NTM: variants seen among roughly 807,000 people sequenced by gnomAD.
NTM encodes the protein IgLON family member 2.
In NTM, 13 loss-of-function variants were observed where a neutral mutation model predicts 42.1. The observed-to-expected ratio is 0.31, with a 90% CI of 0.20 to 0.49. NTM has a LOEUF of 0.49. Ranked by LOEUF, NTM falls within the 20% of genes least tolerant of loss-of-function variation. The pLI, the probability that NTM is intolerant of heterozygous loss-of-function variation, is 0.99. For synonymous variants in NTM, 187 were observed against 179.2 expected (o/e 1.04, Z -0.35); for missense variants, 373 against 452.8 (o/e 0.82, Z 1.60).
chr11:131,983,523 C>G (rs965356104), intron 2 of NTM, among the ~76,000 whole-genome samples: 1 of 151,852 alleles, frequency 6.6e-6, no homozygotes, highest in African/African-American at 2.4e-5. Flanking sequence ...TTCCAGGCAT[C>G]TGCTACCACA....
chr11:131,981,128 C>G (rs1280717789), intron 2 of NTM: 1 of 152,182 alleles, frequency 6.6e-6, no homozygotes, highest in Non-Finnish European at 1.5e-5. Flanking sequence ...AGCAGGTATC[C>G]AGCAAATGCA....
chr11:132,184,830 A>G (rs890611874), intron 3 of NTM, among the ~76,000 whole-genome samples: 1 of 152,232 alleles, frequency 6.6e-6, no homozygotes, highest in African/African-American at 2.4e-5. Context: ...ACACAGCGTC[A>G]TGAACGTACC....
Position 131,780,937 on chromosome 11 carries a change from G to A in NTM, c.83-130627G>A, listed in dbSNP as rs113558970. On this transcript the variant is annotated intron_variant, in intron 1 of 8. Coordinates refer to ENST00000683400, the MANE Select transcript of NTM (RefSeq NM_001352005.2). Reference sequence around the variant, plus strand: ...GAAAAGATTTGCTGGAATCTGTGTCGTACTTACAAGATGAATACCATTACA... The same window carrying A: ...GAAAAGATTTGCTGGAATCTGTGTCATACTTACAAGATGAATACCATTACA... Among the ~76,000 whole-genome samples the A allele has an allele frequency of 1.3e-4, 20 of 152,206 alleles. 1 individual carries two copies. In the East Asian group the frequency reaches 1.4e-3, roughly 10 times the overall value.
chr11:131,778,277 G>C (rs191483576), intron 1 of NTM, among the ~76,000 whole-genome samples: 1 of 152,174 alleles, frequency 6.6e-6, no homozygotes, highest in Non-Finnish European at 1.5e-5. Flanking sequence ...AGTGCCACAG[G>C]CTTCCACATT....
In NTM at chr11:132,292,787, T is replaced by TAAAAAAAAAA. The variant is rs61603794; in HGVS notation, c.527-14885_527-14876dup. 2.4e-3 allele frequency among the ~76,000 whole-genome samples: 136 copies of TAAAAAAAAAA among 56,548 alleles called. 2 individuals carry two copies. The highest frequency in any genetic ancestry group is 2.6e-3 in the African/African-American group (31 of 12,084). 37.1% of individuals were successfully genotyped at this position (56,548 alleles called of 152,430 possible). On this transcript the variant is annotated intron_variant, in intron 4 of 8. Transcript: ENST00000683400. ...AATTTTATCAAAAGGGATGTAAAAG[T>TAAAAAAAAAA]AAAAAAAAAAAAAAAAAAAAAAAAA...
chr11:131,716,786 G>A (rs1086220), intron 1 of NTM, among the ~76,000 whole-genome samples: 24,904 of 151,938 alleles, frequency 0.16, 2,139 homozygotes, highest in Middle Eastern at 0.22. Context: ...TATTTCACTG[G>A]CCTATTTTTC....
At chr11:132,224,889 C>T (rs551255646) in intron 4 of NTM, among the ~76,000 whole-genome samples, 2 of 152,266 alleles carry the variant, frequency 1.3e-5, no homozygotes, top group African/African-American at 4.8e-5. Flanking sequence ...TCCCTTATTG[C>T]CTATTCGGGA....
At chr11:131,756,692 A>T (rs561270727) in intron 1 of NTM, among the ~76,000 whole-genome samples, 2 of 150,218 alleles carry the variant, frequency 1.3e-5, no homozygotes, top group Non-Finnish European at 3.0e-5. Context: ...CCTCTGTCTC[A>T]CACACAAAAA....
At chr11:131,848,358 G>A (rs1002002810) in intron 1 of NTM, among the ~76,000 whole-genome samples, 1 of 152,132 alleles carries the variant, frequency 6.6e-6, no homozygotes, top group Non-Finnish European at 1.5e-5. Context: ...AGTTGATCCC[G>A]TTTTCTTCTC....
At chr11:131,674,085 A>G (rs544230484) in intron 1 of NTM, among the ~76,000 whole-genome samples, 6 of 152,244 alleles carry the variant, frequency 3.9e-5, no homozygotes, top group Non-Finnish European at 8.8e-5. Flanking sequence ...ACATACACAC[A>G]CAGCGTAGGG....
chr11:131,667,184 G>A (rs2134571280), intron 1 of NTM, among the ~76,000 whole-genome samples: 1 of 152,252 alleles, frequency 6.6e-6, no homozygotes, highest in South Asian at 2.1e-4. Flanking sequence ...TTAAAGAGGA[G>A]GACCCCAATT....
chr11:132,257,150 A>T (rs553941383), intron 4 of NTM, among the ~76,000 whole-genome samples: 3 of 152,246 alleles, frequency 2.0e-5, no homozygotes, highest in Non-Finnish European at 4.4e-5. Context: ...AAGCACGCTT[A>T]CAAGAGAGAA....
At chr11:131,948,935 G>A (rs2060677209) in intron 2 of NTM, among the ~76,000 whole-genome samples, 1 of 152,192 alleles carries the variant, frequency 6.6e-6, no homozygotes, top group Non-Finnish European at 1.5e-5. Context: ...GCTCTGTAGA[G>A]TGTATCTTGC....
chr11:132,033,072 C>T (rs530816269), intron 2 of NTM, among the ~76,000 whole-genome samples: 2 of 152,284 alleles, frequency 1.3e-5, no homozygotes, highest in African/African-American at 4.8e-5. Flanking sequence ...CATAGCTTTA[C>T]CTCTGGGATT....
At chr11:132,017,405 T>C (rs1035309382) in intron 2 of NTM, among the ~76,000 whole-genome samples, 1 of 152,008 alleles carries the variant, frequency 6.6e-6, no homozygotes, top group African/African-American at 2.4e-5. Context: ...CCTCACTGAG[T>C]TGTCTTAACA....
intron 2 of NTM, among the ~76,000 whole-genome samples, chr11:132,088,462 A>T (rs1429600851): frequency 6.6e-6 from 1 of 152,204 alleles, no homozygotes; most frequent in South Asian, 2.1e-4. Flanking sequence ...ACATGGACAC[A>T]CTGAAAGGTG....
chr11:131,477,823 T>C (rs952143849), intron 1 of NTM, among the ~76,000 whole-genome samples: 3 of 151,428 alleles, frequency 2.0e-5, no homozygotes, highest in African/African-American at 7.3e-5. Context: ...CCATCAGAAG[T>C]CCAACTTTAT....
chr11:132,296,494 A>G (rs2094615301), intron 4 of NTM, among the ~76,000 whole-genome samples: 1 of 152,176 alleles, frequency 6.6e-6, no homozygotes, highest in African/African-American at 2.4e-5. Flanking sequence ...GACCCAATAT[A>G]TGAGTATTTG....
At chr11:132,023,391 A>C (rs545466) in intron 2 of NTM, among the ~76,000 whole-genome samples, 62,805 of 152,044 alleles carry the variant, frequency 0.41, 14,263 homozygotes, top group African/African-American at 0.61. Flanking sequence ...GCACAAGTTC[A>C]ATATGAAGCT....
Sources: gnomAD v4.1 joint callset for allele counts (sites outside exome capture counted in the v4.1 genomes callset) on GRCh38, gnomAD v4.1.1 for gene constraint, MANE v1.5 for transcripts, NCBI Gene and HGNC (gene_info 2026-07-23, HGNC 2026-07-21) for gene names.